The following KHDRBS2 variants were observed in gnomAD, a reference collection of about 807,000 sequenced individuals.
KHDRBS2 encodes KH domain-containing, RNA-binding, signal transduction-associated protein 2.
In KHDRBS2, 26 loss-of-function variants were observed where a neutral mutation model predicts 44.3. That is an observed-to-expected ratio of 0.59 (90% CI 0.43 to 0.81). The LOEUF (loss-of-function observed/expected upper bound fraction) is 0.81, where lower values mean the gene tolerates loss of function less well. Among genes scored for constraint, KHDRBS2 ranks in the 40% least tolerant of loss-of-function variants. The pLI is 0.00. For synonymous variants in KHDRBS2, 194 were observed against 151.1 expected (o/e 1.28, Z -2.08); for missense variants, 476 against 433.1 (o/e 1.10, Z -0.88).
intron 1 of KHDRBS2, among the ~76,000 whole-genome samples, chr6:62,187,958 G>A (rs186889192): frequency 1.3e-4 from 20 of 152,098 alleles, no homozygotes; most frequent in African/African-American, 4.1e-4. Flanking sequence ...CTTTTGGTGA[G>A]ACCCAGAAAG....
chr6:61,948,327 A>G (rs1009320283), intron 4 of KHDRBS2, among the ~76,000 whole-genome samples: 4 of 152,114 alleles, frequency 2.6e-5, no homozygotes, highest in African/African-American at 9.7e-5. Flanking sequence ...ATGTAATTGC[A>G]TTTTTAAGCT....
chr6:61,702,630 T>C (rs1347445655), intron 7 of KHDRBS2, among the ~76,000 whole-genome samples: 1 of 151,978 alleles, frequency 6.6e-6, no homozygotes, highest in Non-Finnish European at 1.5e-5. Context: ...TCTTAGAACA[T>C]TTTAAAGGAA....
chr6:61,631,857 G>T, the KHDRBS2 span, among the ~76,000 whole-genome samples: 1 of 152,052 alleles, frequency 6.6e-6, no homozygotes, highest in Non-Finnish European at 1.5e-5. Context: ...TTTTCCTTAG[G>T]AATGGTCATT....
At chr6:62,225,778 A>G (rs1311245353) in intron 1 of KHDRBS2, among the ~76,000 whole-genome samples, 1 of 151,514 alleles carries the variant, frequency 6.6e-6, no homozygotes, top group African/African-American at 2.4e-5. Context: ...ATGAGTGAGA[A>G]CATGCAGTGT....
At chr6:62,050,105 A>G (rs2127310735) in intron 2 of KHDRBS2, among the ~76,000 whole-genome samples, 1 of 152,230 alleles carries the variant, frequency 6.6e-6, no homozygotes, top group African/African-American at 2.4e-5. Context: ...ATGGAATGTT[A>G]TGCAGCCATA....
At chr6:61,857,299 C>T (rs185872712) in intron 6 of KHDRBS2, among the ~76,000 whole-genome samples, 1 of 152,126 alleles carries the variant, frequency 6.6e-6, no homozygotes, top group East Asian at 1.9e-4. Context: ...CAAAAGTTGA[C>T]AGGATGATTA....
rs563533179 is a variant in KHDRBS2 at position 62,251,575 on chromosome 6, T to C, written c.91+34283A>G. On this transcript the variant is annotated intron_variant, in intron 1 of 8. Coordinates refer to ENST00000281156, the MANE Select transcript of KHDRBS2 (RefSeq NM_152688.4). ...TCCCTACACTTACAACAATTCTGTT[T>C]TGTTAAATAATAGAATATTAGCTTG... Among the ~76,000 whole-genome samples the C allele has an allele frequency of 4.6e-5, 7 of 152,024 alleles. No homozygotes were observed. In the South Asian group the frequency reaches 1.2e-3, roughly 27 times the overall value.
intron 6 of KHDRBS2, among the ~76,000 whole-genome samples, chr6:61,760,571 G>T (rs1779125583): frequency 6.6e-6 from 1 of 151,972 alleles, no homozygotes; most frequent in Non-Finnish European, 1.5e-5. Flanking sequence ...GGTGGAGGCT[G>T]CAGTGAGCCT....
intron 3 of KHDRBS2, among the ~76,000 whole-genome samples, chr6:62,027,035 C>A (rs1483289178): frequency 2.0e-5 from 3 of 150,232 alleles, no homozygotes; most frequent in Non-Finnish European, 4.4e-5. Flanking sequence ...ATTTCGAGAA[C>A]TCTTATTGTA....
chr6:62,231,225 G>A (rs1832846813), intron 1 of KHDRBS2, among the ~76,000 whole-genome samples: 1 of 152,104 alleles, frequency 6.6e-6, no homozygotes, highest in African/African-American at 2.4e-5. Flanking sequence ...CTTCTATAAA[G>A]AAAGACCCAA....
intron 6 of KHDRBS2, among the ~76,000 whole-genome samples, chr6:61,782,749 A>C (rs1783199426): frequency 7.0e-6 from 1 of 143,794 alleles, no homozygotes; most frequent in Non-Finnish European, 1.5e-5. Context: ...ACACACACAC[A>C]TATACATATA....
At chr6:61,836,770 C>A (rs551067769) in intron 6 of KHDRBS2, among the ~76,000 whole-genome samples, 1 of 108,138 alleles carries the variant, frequency 9.2e-6, no homozygotes, top group Non-Finnish European at 1.9e-5. Context: ...CACACATACA[C>A]GCATATATAC....
At chr6:62,223,438 G>A (rs143275735) in intron 1 of KHDRBS2, among the ~76,000 whole-genome samples, 3 of 152,326 alleles carry the variant, frequency 2.0e-5, no homozygotes, top group Non-Finnish European at 2.9e-5. Flanking sequence ...AGGGGCTGCC[G>A]TGAAGACCTA....
At chr6:61,763,448 G>A (rs989070429) in intron 6 of KHDRBS2, among the ~76,000 whole-genome samples, 22 of 152,250 alleles carry the variant, frequency 1.4e-4, no homozygotes, top group Non-Finnish European at 2.9e-4. Flanking sequence ...GGAAGGGGCA[G>A]GGCTAAAATG....
At chr6:61,779,441 G>C (rs760845923) in intron 6 of KHDRBS2, among the ~76,000 whole-genome samples, 12 of 151,786 alleles carry the variant, frequency 7.9e-5, no homozygotes, top group Non-Finnish European at 1.3e-4. Flanking sequence ...TTTAGATGAG[G>C]GTGTGGTTCA....
At chr6:61,907,297 G>A (rs1188778086) in intron 4 of KHDRBS2, among the ~76,000 whole-genome samples, 2 of 151,634 alleles carry the variant, frequency 1.3e-5, no homozygotes, top group African/African-American at 4.9e-5. Flanking sequence ...TATATATTCT[G>A]GTTATTAATC....
chr6:61,921,180 T>C (rs1807997124), intron 4 of KHDRBS2, among the ~76,000 whole-genome samples: 1 of 152,026 alleles, frequency 6.6e-6, no homozygotes, highest in Admixed American at 6.6e-5. Flanking sequence ...GTAATATCCT[T>C]GGGCAATGAG....
Position 61,785,860 on chromosome 6 carries a change from T to C in KHDRBS2, c.811-53096A>G, listed in dbSNP as rs564620595. On this transcript the variant is annotated intron_variant, in intron 6 of 8. Transcript: ENST00000281156. ...AATAGTGTGAAATGAGCTTTCATTG[T>C]CAAATGTGGTGAAACTATGCTTATT... Among the ~76,000 whole-genome samples, 9 of 152,284 alleles carry C rather than the reference T, an allele frequency of 5.9e-5. No homozygotes were observed. In the East Asian group the frequency reaches 1.5e-3, roughly 26 times the overall value.
chr6:61,893,210 C>T (rs1227847178), intron 6 of KHDRBS2, among the ~76,000 whole-genome samples: 1 of 152,204 alleles, frequency 6.6e-6, no homozygotes, highest in Admixed American at 6.5e-5. Context: ...TACCATCTCA[C>T]ACCAGTTAGA....
Sources: gnomAD v4.1 joint callset for allele counts (sites outside exome capture counted in the v4.1 genomes callset) on GRCh38, gnomAD v4.1.1 for gene constraint, MANE v1.5 for transcripts, NCBI Gene and HGNC (gene_info 2026-07-23, HGNC 2026-07-21) for gene names.